Variants in AFF1 observed in about 807,000 individuals in gnomAD.
AFF1 encodes AF4/FMR2 family member 1.
AFF1 carries 48 observed loss-of-function variants against 121.7 expected under a neutral mutation model. The observed-to-expected ratio is 0.39, with a 90% CI of 0.31 to 0.50. AFF1 has a LOEUF of 0.50. AFF1 is among the 20% of genes least tolerant of loss of function. The pLI, the probability that AFF1 is intolerant of heterozygous loss-of-function variation, is 0.76. For synonymous variants in AFF1, 613 were observed against 563.0 expected, an observed-to-expected ratio of 1.09 and a Z score of -1.26; for missense variants, 1,523 against 1,511.7, an observed-to-expected ratio of 1.01 and a Z score of -0.12.
chr4:86,958,352 A>G (rs540825550), intron 2 of AFF1, among the ~76,000 whole-genome samples: 1 of 152,038 alleles, frequency 6.6e-6, no homozygotes, highest in South Asian at 2.1e-4. Context: ...CAGCCTCCCA[A>G]AGTGCTGGGA....
At chr4:86,982,780 G>A (rs906230269) in intron 2 of AFF1, among the ~76,000 whole-genome samples, 1 of 149,590 alleles carries the variant, frequency 6.7e-6, no homozygotes, top group Non-Finnish European at 1.5e-5. Flanking sequence ...CCCAGGAGGC[G>A]GAGGTTGTGG....
chr4:86,949,684 G>A, intron 2 of AFF1: 1 of 1,569,754 alleles, frequency 6.4e-7, no homozygotes, highest in Non-Finnish European at 8.6e-7. Flanking sequence ...GGAAGGGGAT[G>A]ATGGGCATGC....
At chr4:86,976,457 A>G (rs1484691359) in intron 2 of AFF1, among the ~76,000 whole-genome samples, 1 of 152,280 alleles carries the variant, frequency 6.6e-6, no homozygotes, top group Admixed American at 6.5e-5. Context: ...GAATGAGATC[A>G]TGTCCTTTGC....
chr4:86,963,756 C>T (rs1395101491), intron 2 of AFF1, among the ~76,000 whole-genome samples: 4 of 151,758 alleles, frequency 2.6e-5, no homozygotes, highest in South Asian at 2.1e-4. Flanking sequence ...ATATCTTAGT[C>T]ATCCTTTAAG....
chr4:86,966,065 CT>C (rs568285746), intron 2 of AFF1, among the ~76,000 whole-genome samples: 502 of 138,762 alleles, frequency 3.6e-3, no homozygotes, highest in Middle Eastern at 0.015. Flanking sequence ...TTTTTCTTTC[CT>C]TTTTTTTTTT....
rs187628210 is a variant in AFF1, at chr4:86,957,025, C to T, written c.38+8454C>T. Among the ~76,000 whole-genome samples the T allele has an allele frequency of 1.5e-3, 228 of 152,246 alleles. No individual in the cohort carries two copies. The Middle Eastern group carries it at 0.02, about 14-fold the overall frequency. ...GCATGTACTTTTTCTCTGTCTTTAG[C>T]CCTGAACTCCCTGCTGAGGCTGAGA... On this transcript the variant is annotated intron_variant, in intron 2 of 20. Coordinates refer to ENST00000395146, the MANE Select transcript of AFF1 (RefSeq NM_001166693.3).
chr4:87,011,903 C>T (rs568674640), intron 2 of AFF1, among the ~76,000 whole-genome samples: 2 of 152,140 alleles, frequency 1.3e-5, no homozygotes, highest in Admixed American at 6.5e-5. Context: ...AGTGATCTCT[C>T]GAGATTTTGC....
intron 11 of AFF1, among the ~76,000 whole-genome samples, chr4:87,110,268 A>G (rs1363119011): frequency 4.6e-5 from 7 of 152,054 alleles, no homozygotes; most frequent in East Asian, 1.9e-4. Context: ...ATACAGCCAT[A>G]TAATGCATAA....
intron 12 of AFF1, among the ~76,000 whole-genome samples, chr4:87,116,247 A>G (rs1159832236): frequency 1.3e-5 from 2 of 152,352 alleles, no homozygotes; most frequent in East Asian, 3.9e-4. Context: ...TACAGAATGG[A>G]CAGAGTAACA....
Position 87,114,917 on chromosome 4 carries a change from C to T in AFF1, c.2084C>T (p.Pro695Leu), listed in dbSNP as rs986328768. The T allele has an allele frequency of 1.2e-6, 2 of 1,612,534 alleles. No individual in the cohort carries two copies. The highest frequency in any genetic ancestry group is 1.7e-6 in the Non-Finnish European group (2 of 1,179,372). ...TCTAAGGCTCTCTCAGGCCCAGAAC[C>T]CGCGAAGGACAATGTGGAGGACAGG... ...APSKALSGPE[P>L]AKDNVEDRTP... Residue 695 changes from proline (P) to leucine (L), a missense_variant, in exon 12 of 21, where the codon CCC becomes CTC. Transcript: ENST00000395146.
At chr4:87,097,873 G>C (rs1725023199) in intron 8 of AFF1, among the ~76,000 whole-genome samples, 1 of 152,196 alleles carries the variant, frequency 6.6e-6, no homozygotes. Flanking sequence ...TTCAGATTTT[G>C]TGTGGCAAAT....
At chr4:87,013,171 G>GCTGGGAATACAGGCATGCTCCAC (rs369883079) in intron 2 of AFF1, among the ~76,000 whole-genome samples, 5,813 of 151,332 alleles carry the variant, frequency 0.038, 198 homozygotes, top group African/African-American at 0.091. Flanking sequence ...CTCCGGAGTA[G>GCTGGGAATACAGGCATGCTCCAC]CTGGGAATAC....
At chr4:86,953,277 C>T (rs1649417911) in intron 2 of AFF1, among the ~76,000 whole-genome samples, 1 of 152,088 alleles carries the variant, frequency 6.6e-6, no homozygotes, top group Non-Finnish European at 1.5e-5. Flanking sequence ...ACCAGTAGCT[C>T]ACTTGTTTAA....
chr4:87,135,554 T>C lies in AFF1; in HGVS notation c.3536-26T>C, dbSNP rs763474972. On this transcript the variant is annotated intron_variant, in intron 20 of 20. Transcript: ENST00000395146. ...GTGTGTGCTTGTGTATTTACTTGTT[T>C]TTGTTTTGTTTTGTTTTTTTTGCAG... is the stretch of plus-strand genomic sequence containing the variant. 5.4e-6 allele frequency: 8 copies of C among 1,469,042 alleles called. No individual in the cohort carries two copies. In the East Asian group the frequency reaches 1.9e-4, roughly 36 times the overall value. 91.0% of individuals were successfully genotyped at this position (1,469,042 alleles called of 1,614,324 possible). A position where few individuals can be genotyped will look rare whatever the true frequency, so the allele number is the denominator to read the frequency against.
At chr4:86,990,462 A>G (rs1353374421) in intron 2 of AFF1, among the ~76,000 whole-genome samples, 1 of 152,152 alleles carries the variant, frequency 6.6e-6, no homozygotes, top group Non-Finnish European at 1.5e-5. Flanking sequence ...AGAAAACATA[A>G]GGCCATAAGA....
chr4:86,953,863 C>T lies in AFF1; in HGVS notation c.38+5292C>T, dbSNP rs562040065. 2.5e-3 allele frequency among the ~76,000 whole-genome samples: 385 copies of T among 152,120 alleles called. 4 individuals carry two copies. Among genetic ancestry groups the T allele is most frequent in the African/African-American group, 8.1e-3 (337 of 41,526 alleles). On this transcript the variant is annotated intron_variant, in intron 2 of 20. Transcript: ENST00000395146. The stretch of plus-strand genomic sequence containing the variant: ...GCCTCCCGAGTAGCTGGCGCACCAC[C>T]ACGCCCAGCTAATTTTTGTACGTTT...
chr4:87,062,637 T>C (rs1316866313), intron 4 of AFF1, among the ~76,000 whole-genome samples: 1 of 152,226 alleles, frequency 6.6e-6, no homozygotes, highest in Non-Finnish European at 1.5e-5. Context: ...TTAAATTACT[T>C]ATTTTTATAG....
intron 13 of AFF1, 134 bp downstream of exon 13, chr4:87,125,277 AGTTT>A: frequency 5.5e-6 from 3 of 544,032 alleles, no homozygotes; most frequent in Non-Finnish European, 9.0e-6. Flanking sequence ...CAATGTAATA[AGTTT>A]GTTTTTCTTT....
intron 2 of AFF1, among the ~76,000 whole-genome samples, chr4:87,043,953 G>A (rs1050102549): frequency 6.6e-6 from 1 of 152,098 alleles, no homozygotes; most frequent in African/African-American, 2.4e-5. Flanking sequence ...AGAGTAGCTG[G>A]CACTACAGGC....
Sources: gnomAD v4.1 joint callset for allele counts (sites outside exome capture counted in the v4.1 genomes callset) on GRCh38, gnomAD v4.1.1 for gene constraint, MANE v1.5 for transcripts, NCBI Gene and HGNC (gene_info 2026-07-23, HGNC 2026-07-21) for gene names.